Variants in LRCH3 observed in about 807,000 individuals in gnomAD.
The protein encoded by LRCH3 is DISP complex protein LRCH3.
LRCH3 carries 68 observed loss-of-function variants against 104.5 expected under a neutral mutation model. The ratio of observed to expected loss-of-function variants is 0.65; its 90% CI spans 0.54 to 0.80. The LOEUF is 0.80. Among genes scored for constraint, LRCH3 ranks in the 30% least tolerant of loss-of-function variants. LRCH3 has a pLI of 0.00. For missense variants in LRCH3, 951 were observed against 953.9 expected, an observed-to-expected ratio of 1.00 and a Z score of 0.04; for synonymous variants, 344 against 361.3, an observed-to-expected ratio of 0.95 and a Z score of 0.54.
Position 197,824,791 on chromosome 3 carries a change from T to C in LRCH3, c.641-2087T>C, listed in dbSNP as rs140799258. ...TTTACCATCTTGGCCAGGCTGGTCT[T>C]GAACTTCTGACCTCGTGATTCACCC... On this transcript the variant is annotated intron_variant, in intron 4 of 20. Transcript: ENST00000425562. Among the ~76,000 whole-genome samples, 1,202 of 146,662 alleles carry C rather than the reference T, an allele frequency of 8.2e-3. 33 individuals are homozygous for C. Among genetic ancestry groups the C allele is most frequent in the East Asian group, 0.058 (273 of 4,672 alleles).
rs189900093 is a variant in LRCH3, at chr3:197,817,538, C to T, written c.534+236C>T. On this transcript the variant is annotated intron_variant, in intron 3 of 20. Transcript: ENST00000425562. ...AGTGGTTGGCACACAGAATTAAGAACGGAAAGTACAAGCCTAATTGGCCCA... is the reference window on the plus strand; with the variant it reads ...AGTGGTTGGCACACAGAATTAAGAATGGAAAGTACAAGCCTAATTGGCCCA... 3.6e-4 allele frequency among the ~76,000 whole-genome samples: 55 copies of T among 150,944 alleles called. 1 individual carries two copies. In the East Asian group the frequency reaches 5.6e-3, roughly 15 times the overall value.
rs1192344643 is a variant in LRCH3, at chr3:197,819,127, G to GA, written c.535-1183dup. ...GGCAACAGAGTGAGATTCCGTCTGGGAAAAAAAAAAAAAAAGAAAAAAGAA... is the reference window on the plus strand; with the variant it reads ...GGCAACAGAGTGAGATTCCGTCTGGGAAAAAAAAAAAAAAAAGAAAAAAGAA... On this transcript the variant is annotated intron_variant, in intron 3 of 20. Coordinates refer to ENST00000425562, the MANE Select transcript of LRCH3 (RefSeq NM_001365715.1). Among the ~76,000 whole-genome samples, 386 of 133,272 alleles carry GA rather than the reference G, an allele frequency of 2.9e-3. 5 individuals are homozygous for GA. The highest frequency in any genetic ancestry group is 7.1e-3 in the East Asian group (33 of 4,636). The allele number at this position is 133,272 out of a possible 152,430, so 87.4% of individuals were successfully genotyped here.
In LRCH3 at chr3:197,815,093, G is replaced by A. The variant is rs775515700; in HGVS notation, c.407+41G>A. The A allele has an allele frequency of 1.9e-5, 24 of 1,255,668 alleles. No homozygotes were observed. The South Asian group carries it at 3.9e-4, about 20-fold the overall frequency. 77.8% of individuals were successfully genotyped at this position (1,255,668 alleles called of 1,614,324 possible). A position where few individuals can be genotyped will look rare whatever the true frequency, so the allele number is the denominator to read the frequency against. On this transcript the variant is annotated intron_variant, in intron 2 of 20. Coordinates refer to ENST00000425562, the MANE Select transcript of LRCH3 (RefSeq NM_001365715.1). ...TCTTATTTTAAATTTTTGGTTTTAT[G>A]TGATCTTTTCGATTTTCCCCTTTCC... is the stretch of plus-strand genomic sequence containing the variant.
rs549735986 is a variant in LRCH3 at position 197,860,751 on chromosome 3, A to T, written c.1716+1846A>T. Reference sequence around the variant, plus strand: ...AGCATTTATCCTTTGTGTTACAAACAATCCAGTTATACTCCTTTAGTTATT... The same window carrying T: ...AGCATTTATCCTTTGTGTTACAAACTATCCAGTTATACTCCTTTAGTTATT... On this transcript the variant is annotated intron_variant, in intron 15 of 20. Transcript: ENST00000425562. Among the ~76,000 whole-genome samples, 16 of 152,320 alleles carry T rather than the reference A, an allele frequency of 1.1e-4. No individual in the cohort carries two copies. In the South Asian group the frequency reaches 1.9e-3, roughly 18 times the overall value.
intron 20 of LRCH3, 154 bp downstream of exon 20, chr3:197,875,929 A>T (rs1712837735): frequency 2.0e-6 from 1 of 492,616 alleles, no homozygotes; most frequent in Non-Finnish European, 3.5e-6. Context: ...GTACTTTTGA[A>T]CAGTTTTCCT....
intron 1 of LRCH3, among the ~76,000 whole-genome samples, chr3:197,805,936 G>GT (rs1396149002): frequency 1.3e-5 from 2 of 151,772 alleles, no homozygotes; most frequent in East Asian, 1.9e-4. Context: ...TTTTGTTTCT[G>GT]TTTTTTTGAG....
intron 1 of LRCH3, among the ~76,000 whole-genome samples, chr3:197,808,436 T>C (rs1732742874): frequency 6.6e-6 from 1 of 152,236 alleles, no homozygotes; most frequent in Non-Finnish European, 1.5e-5. Flanking sequence ...AAGATTCCTT[T>C]CTTTCACCAC....
At chr3:197,865,613 G>T in intron 16 of LRCH3, 142 bp downstream of exon 16, 1 of 472,672 alleles carries the variant, frequency 2.1e-6, no homozygotes, top group Non-Finnish European at 3.6e-6. Flanking sequence ...GGATCCTCCT[G>T]CCTTGTTCTC....
rs115570995 is a variant in LRCH3, at chr3:197,863,578, T to G, written c.1717-1845T>G. Among the ~76,000 whole-genome samples the G allele has an allele frequency of 3.7e-4, 56 of 152,296 alleles. No homozygotes were observed. The East Asian group carries it at 0.01, about 27-fold the overall frequency. ...TCGGCCTATTCTAGCTTTTCTTAAC[T>G]GTACTCCCCTGCCAAGTCTTCAGCA... On this transcript the variant is annotated intron_variant, in intron 15 of 20. Coordinates refer to ENST00000425562, the MANE Select transcript of LRCH3 (RefSeq NM_001365715.1).
chr3:197,803,189 A>G (rs1440368201), intron 1 of LRCH3, among the ~76,000 whole-genome samples: 2 of 152,182 alleles, frequency 1.3e-5, no homozygotes, highest in Non-Finnish European at 2.9e-5. Context: ...AGTGTTTTCA[A>G]CTTTGGTAGT....
intron 10 of LRCH3, among the ~76,000 whole-genome samples, chr3:197,841,464 G>T (rs919855002): frequency 6.6e-6 from 1 of 151,998 alleles, no homozygotes; most frequent in Non-Finnish European, 1.5e-5. Context: ...TTAAGGGCTC[G>T]TGATTATATT....
intron 15 of LRCH3, among the ~76,000 whole-genome samples, chr3:197,860,169 CT>C (rs1187688674): frequency 1.3e-5 from 2 of 152,008 alleles, no homozygotes; most frequent in African/African-American, 2.4e-5. Context: ...GCCTGGCTGA[CT>C]TTTTAAGTTT....
intron 3 of LRCH3, among the ~76,000 whole-genome samples, chr3:197,818,656 C>G (rs950800776): frequency 1.6e-4 from 25 of 152,174 alleles, no homozygotes; most frequent in Admixed American, 7.9e-4. Flanking sequence ...AAAACATGAA[C>G]TAGAAGTAAA....
At chr3:197,792,810 C>T (rs1217060558) in intron 1 of LRCH3, among the ~76,000 whole-genome samples, 2 of 151,168 alleles carry the variant, frequency 1.3e-5, no homozygotes, top group Non-Finnish European at 2.9e-5. Flanking sequence ...CGCCACCACA[C>T]CCGGCTAATT....
intron 19 of LRCH3, among the ~76,000 whole-genome samples, chr3:197,874,024 G>GAAA (rs34903890): frequency 1.8e-5 from 2 of 112,296 alleles, no homozygotes; most frequent in African/African-American, 7.1e-5. Flanking sequence ...TGTCTCAAAA[G>GAAA]AAAAAAAAAA....
chr3:197,826,948 T>C lies in LRCH3; in HGVS notation c.711T>C (p.Tyr237=), dbSNP rs1234308215. The C allele has an allele frequency of 8.7e-6, 14 of 1,613,954 alleles. No individual in the cohort carries two copies. Among genetic ancestry groups the C allele is most frequent in the Non-Finnish European group, 1.2e-5 (14 of 1,180,026 alleles). Reference sequence around the variant, plus strand: ...AAATTACCACAATCCCTGTTTGTTATCGGAACCTCAGGCACCTACAGACGA... The same window carrying C: ...AAATTACCACAATCCCTGTTTGTTACCGGAACCTCAGGCACCTACAGACGA... ...CNKITTIPVC[Y]RNLRHLQTIT... is the part of the protein sequence containing the mutation. Residue 237 remains tyrosine (Y), a synonymous_variant, in exon 5 of 21, where the codon TAT becomes TAC. Transcript: ENST00000425562.
At chr3:197,843,535 T>A (rs1738139486) in intron 10 of LRCH3, among the ~76,000 whole-genome samples, 1 of 152,104 alleles carries the variant, frequency 6.6e-6, no homozygotes, top group Admixed American at 6.5e-5. Context: ...ATACAAAAAA[T>A]TAGTTGGGCG....
In LRCH3 at chr3:197,791,433, C is replaced by T. The variant is rs1730482188; in HGVS notation, c.155C>T (p.Ala52Val). 1 of 1,595,504 alleles carries T rather than the reference C, an allele frequency of 6.3e-7. No individual in the cohort carries two copies. The highest frequency in any genetic ancestry group is 8.5e-7 in the Non-Finnish European group (1 of 1,172,442). Residue 52 changes from alanine to valine, a missense_variant, in exon 1 of 21, where the codon GCC becomes GTC. By Grantham distance (64) the Ala-to-Val change is moderately conservative. Transcript: ENST00000425562. ...PGSWSRSLDR[A>V]LEEAAVTGVL... ...TCGTGGAGCCGCTCTCTCGATCGAG[C>T]CCTGGAGGAGGCGGCGGTCACTGGG...
intron 19 of LRCH3, 128 bp downstream of exon 19, chr3:197,871,590 C>T: frequency 1.6e-6 from 2 of 1,254,428 alleles, no homozygotes; most frequent in Non-Finnish European, 2.2e-6. Flanking sequence ...CTCTACCTTC[C>T]TGGTCTCACT....
Sources: gnomAD v4.1 joint callset for allele counts (sites outside exome capture counted in the v4.1 genomes callset) on GRCh38, gnomAD v4.1.1 for gene constraint, MANE v1.5 for transcripts, NCBI Gene and HGNC (gene_info 2026-07-23, HGNC 2026-07-21) for gene names.